Variants in DYM observed in about 807,000 individuals in gnomAD.
DYM encodes the protein dymeclin.
DYM carries 78 observed loss-of-function variants against 93.1 expected under a neutral mutation model. The observed-to-expected ratio is 0.84, with a 90% CI of 0.70 to 1.01. The LOEUF is 1.01. Ranked by LOEUF, DYM falls within the 50% of genes least tolerant of loss-of-function variation. The pLI is 0.00. For missense variants in DYM, 789 were observed against 845.0 expected (o/e 0.93, Z 0.82); for synonymous variants, 321 against 319.7 (o/e 1.00, Z -0.04).
At chr18:49,108,308 C>T (rs1056700077) in intron 16 of DYM, among the ~76,000 whole-genome samples, 2 of 152,240 alleles carry the variant, frequency 1.3e-5, no homozygotes, top group African/African-American at 4.8e-5. Flanking sequence ...GTCTGTCACC[C>T]CTTTCTTTGA....
At chr18:49,383,323 C>T (rs1057093596) in intron 3 of DYM, among the ~76,000 whole-genome samples, 4 of 151,802 alleles carry the variant, frequency 2.6e-5, no homozygotes, top group East Asian at 3.9e-4. Context: ...GATACATATT[C>T]GGCCTGGACA....
intron 8 of DYM, among the ~76,000 whole-genome samples, chr18:49,299,132 G>A (rs891182207): frequency 2.0e-5 from 3 of 152,102 alleles, no homozygotes; most frequent in Non-Finnish European, 4.4e-5. Flanking sequence ...AATGGTACAC[G>A]GATCAATGAT....
rs552945032 is a variant in DYM, at chr18:49,106,462, T to A, written c.1912-8947A>T. Reference sequence around the variant, plus strand: ...ATCCTGTCATTATGATGTTAGTTGGTTATTTTGCTTGTTAGTCGATGCAGT... The same window carrying A: ...ATCCTGTCATTATGATGTTAGTTGGATATTTTGCTTGTTAGTCGATGCAGT... On this transcript the variant is annotated intron_variant, in intron 16 of 17. Coordinates refer to ENST00000675505, the MANE Select transcript of DYM (RefSeq NM_001353214.3). 1.7e-3 allele frequency among the ~76,000 whole-genome samples: 259 copies of A among 152,322 alleles called. 1 individual carries two copies. The highest frequency in any genetic ancestry group is 3.0e-3 in the Non-Finnish European group (205 of 68,034).
chr18:49,268,937 G>A (rs766138372), intron 11 of DYM, among the ~76,000 whole-genome samples: 1 of 151,872 alleles, frequency 6.6e-6, no homozygotes. Flanking sequence ...AGCTACAAAA[G>A]CAAAAATAAA....
intron 6 of DYM, among the ~76,000 whole-genome samples, chr18:49,338,670 C>T (rs2063848752): frequency 6.6e-6 from 1 of 152,160 alleles, no homozygotes; most frequent in South Asian, 2.1e-4. Context: ...AAGAAAAACA[C>T]ATTGTACAGA....
Position 49,038,887 on chromosome 18 carries a change from A to G in DYM, c.*5168T>C, listed in dbSNP as rs1812663842. ...TCTTGGATGATGCCAAGTGTCTTAG[A>G]ACACTTAAAATTCCCACATAAATCC... is the stretch of plus-strand genomic sequence containing the variant. On this transcript the variant is annotated 3_prime_UTR_variant, in exon 18 of 18. Coordinates refer to ENST00000675505, the MANE Select transcript of DYM (RefSeq NM_001353214.3). Among the ~76,000 whole-genome samples the G allele has an allele frequency of 6.6e-6, 1 of 152,236 alleles. No homozygotes were observed. Among genetic ancestry groups the G allele is most frequent in the African/African-American group, 2.4e-5 (1 of 41,458 alleles).
chr18:49,196,253 A>G (rs1181727354), intron 14 of DYM, among the ~76,000 whole-genome samples: 1 of 152,146 alleles, frequency 6.6e-6, no homozygotes, highest in Non-Finnish European at 1.5e-5. Flanking sequence ...TTTAAGACAC[A>G]GTAGCTTTAT....
At position 49,238,196 on chromosome 18, in the gene DYM, T is replaced by C. The variant is rs1053696680; in HGVS notation, c.1460+18814A>G. Reference sequence around the variant, plus strand: ...TTCCACATAACCTGGAAAATGGATTTTTCTAATCTGATAGGTAAGAAATAG... The same window carrying C: ...TTCCACATAACCTGGAAAATGGATTCTTCTAATCTGATAGGTAAGAAATAG... On this transcript the variant is annotated intron_variant, in intron 13 of 17. Coordinates refer to ENST00000675505, the MANE Select transcript of DYM (RefSeq NM_001353214.3). Among the ~76,000 whole-genome samples, 3 of 152,202 alleles carry C rather than the reference T, an allele frequency of 2.0e-5. No individual in the cohort carries two copies. The South Asian group carries it at 6.2e-4, about 32-fold the overall frequency.
At chr18:49,252,274 T>A (rs1164127464) in intron 13 of DYM, among the ~76,000 whole-genome samples, 1 of 129,416 alleles carries the variant, frequency 7.7e-6, no homozygotes, top group Non-Finnish European at 1.6e-5. Flanking sequence ...TTTATAAAGT[T>A]AAGAGGTTTC....
intron 11 of DYM, among the ~76,000 whole-genome samples, chr18:49,258,930 A>G (rs1434198859): frequency 6.7e-6 from 1 of 150,328 alleles, no homozygotes; most frequent in Non-Finnish European, 1.5e-5. Context: ...TGGGCAGCAT[A>G]GCAGCCAAAT....
rs191884270 is a variant in DYM, at chr18:49,288,729, G to A, written c.764-2113C>T. Among the ~76,000 whole-genome samples, 275 of 151,912 alleles carry A rather than the reference G, an allele frequency of 1.8e-3. 1 individual carries two copies. Among genetic ancestry groups the A allele is most frequent in the Non-Finnish European group, 3.3e-3 (224 of 67,940 alleles). ...CGAGAGGCAGAGGTTGCAGTGAGCC[G>A]AGATCATGCCACTGCACTCCAGCCT... On this transcript the variant is annotated intron_variant, in intron 8 of 17. Transcript: ENST00000675505.
intron 3 of DYM, among the ~76,000 whole-genome samples, chr18:49,388,218 T>C (rs1216168037): frequency 6.6e-6 from 1 of 152,022 alleles, no homozygotes; most frequent in Admixed American, 6.6e-5. Flanking sequence ...TAATCCCAGC[T>C]ACTCAGGAGG....
In DYM at chr18:49,306,714, T is replaced by C. The variant is rs568729584; in HGVS notation, c.764-20098A>G. On this transcript the variant is annotated intron_variant, in intron 8 of 17. Transcript: ENST00000675505. ...AACTTCTCGATTCATAAGTGAGTTA[T>C]GCATTTATTTTCTTCCACTCTAAAG... 1.7e-4 allele frequency among the ~76,000 whole-genome samples: 26 copies of C among 152,350 alleles called. 2 individuals are homozygous for C. The South Asian group carries it at 5.0e-3, about 29-fold the overall frequency.
chr18:49,366,075 A>G (rs6507901), intron 5 of DYM, among the ~76,000 whole-genome samples: 89,167 of 150,224 alleles, frequency 0.59, 26,776 homozygotes, highest in Non-Finnish European at 0.66. Context: ...TAAGACTTCC[A>G]TTCACTAAAA....
At chr18:49,275,144 T>C (rs1457529054) in intron 10 of DYM, among the ~76,000 whole-genome samples, 4 of 152,186 alleles carry the variant, frequency 2.6e-5, no homozygotes, top group Non-Finnish European at 5.9e-5. Flanking sequence ...GAATTAACTT[T>C]GTATATGGGG....
At chr18:49,408,394 C>T (rs2071775768) in intron 2 of DYM, among the ~76,000 whole-genome samples, 1 of 152,162 alleles carries the variant, frequency 6.6e-6, no homozygotes, top group Non-Finnish European at 1.5e-5. Flanking sequence ...CATGTCTCTC[C>T]ACATATATTT....
intron 14 of DYM, among the ~76,000 whole-genome samples, chr18:49,205,266 T>A (rs2092411183): frequency 6.6e-6 from 1 of 152,184 alleles, no homozygotes; most frequent in African/African-American, 2.4e-5. Flanking sequence ...CTGGCCTCAA[T>A]ACATTACATT....
At chr18:49,338,645 C>T (rs2063846463) in intron 6 of DYM, among the ~76,000 whole-genome samples, 1 of 152,180 alleles carries the variant, frequency 6.6e-6, no homozygotes, top group African/African-American at 2.4e-5. Context: ...ATTACGATTA[C>T]TCCACAAATC....
At chr18:49,121,268 G>C (rs1041286842) in intron 15 of DYM, among the ~76,000 whole-genome samples, 2 of 152,116 alleles carry the variant, frequency 1.3e-5, no homozygotes, top group Non-Finnish European at 2.9e-5. Context: ...CCTTAAATAG[G>C]TTTCAATAAT....
Sources: gnomAD v4.1 joint callset for allele counts (sites outside exome capture counted in the v4.1 genomes callset) on GRCh38, gnomAD v4.1.1 for gene constraint, MANE v1.5 for transcripts, NCBI Gene and HGNC (gene_info 2026-07-23, HGNC 2026-07-21) for gene names.